The following GPATCH8 variants were observed in gnomAD, a reference collection of about 807,000 sequenced individuals.
GPATCH8 encodes the protein G patch domain-containing protein 8.
A neutral mutation model predicts 118.3 loss-of-function variants in GPATCH8; 18 were observed. That is an observed-to-expected ratio of 0.15 (90% CI 0.11 to 0.23). The LOEUF is 0.23. Among genes scored for constraint, GPATCH8 ranks in the 10% least tolerant of loss-of-function variants. The probability of loss-of-function intolerance (pLI) is 1.00; values close to 1 mark genes in which losing one functional copy is unlikely to be tolerated. For missense variants in GPATCH8, 1,631 were observed against 1,873.8 expected (o/e 0.87, Z 2.39); for synonymous variants, 659 against 684.7 (o/e 0.96, Z 0.59).
At chr17:44,426,340 C>T (rs1390239453) in intron 5 of GPATCH8, among the ~76,000 whole-genome samples, 4 of 152,146 alleles carry the variant, frequency 2.6e-5, no homozygotes, top group Admixed American at 6.5e-5. Flanking sequence ...CGGTGGCTCA[C>T]GCCTGTAATC....
intron 1 of GPATCH8, among the ~76,000 whole-genome samples, chr17:44,484,685 T>C (rs889289073): frequency 8.4e-4 from 128 of 152,194 alleles, no homozygotes; most frequent in African/African-American, 3.0e-3. Flanking sequence ...TTACATTTTG[T>C]TGTCATGTCA....
intron 1 of GPATCH8, among the ~76,000 whole-genome samples, chr17:44,492,620 C>A (rs1405510683): frequency 6.6e-6 from 1 of 151,946 alleles, no homozygotes; most frequent in Non-Finnish European, 1.5e-5. Flanking sequence ...GAGATACCAC[C>A]ACCTAGTTTG....
intron 3 of GPATCH8, among the ~76,000 whole-genome samples, chr17:44,453,984 T>G (rs1400062405): frequency 6.6e-6 from 1 of 152,076 alleles, no homozygotes; most frequent in Non-Finnish European, 1.5e-5. Context: ...TAAAATCCAC[T>G]ACACCATGGA....
intron 6 of GPATCH8, among the ~76,000 whole-genome samples, chr17:44,411,530 T>C (rs943266900): frequency 1.3e-5 from 2 of 152,188 alleles, no homozygotes; most frequent in Non-Finnish European, 2.9e-5. Context: ...AACCCATTTT[T>C]CTCATGTAAA....
intron 1 of GPATCH8, among the ~76,000 whole-genome samples, chr17:44,499,119 T>A (rs1969874549): frequency 6.6e-6 from 1 of 152,224 alleles, no homozygotes; most frequent in African/African-American, 2.4e-5. Flanking sequence ...GTCTTGTTTC[T>A]CTTATCAACT....
rs924053658 is a variant in GPATCH8 at position 44,395,865 on chromosome 17, T to G, written c.*1703A>C. On this transcript the variant is annotated 3_prime_UTR_variant, in exon 8 of 8. Coordinates refer to ENST00000591680, the MANE Select transcript of GPATCH8 (RefSeq NM_001002909.4). Reference sequence around the variant, plus strand: ...TAACCTCATCAAAGGAGATGGGACCTGCAACACAAGCACCTTTGGGTCAGT... The same window carrying G: ...TAACCTCATCAAAGGAGATGGGACCGGCAACACAAGCACCTTTGGGTCAGT... 15 of 454,016 alleles carry G rather than the reference T, an allele frequency of 3.3e-5. No individual in the cohort carries two copies. The highest frequency in any genetic ancestry group is 1.4e-4 in the Admixed American group (6 of 42,542). 28.1% of individuals were successfully genotyped at this position (454,016 alleles called of 1,614,324 possible). A position where few individuals can be genotyped will look rare whatever the true frequency, so the allele number is the denominator to read the frequency against.
In GPATCH8 at chr17:44,400,518, G is replaced by A. The variant is rs2143632767; in HGVS notation, c.1559C>T (p.Thr520Ile). 3 of 1,613,996 alleles carry A rather than the reference G, an allele frequency of 1.9e-6. No individual in the cohort carries two copies. The highest frequency in any genetic ancestry group is 2.2e-5 in the South Asian group (2 of 91,076). The change falls in exon 8 of 8, where the codon ACC becomes ATC. Residue 520 changes from threonine to isoleucine, a missense_variant. By Grantham distance (89) the Thr-to-Ile change is moderately conservative (BLOSUM62 -1). Transcript: ENST00000591680. ...SNSSKETSLA[T>I]PAGKESQEGP... ...TTCTTGGCTTTCTTTCCCTGCTGGG[G>A]TGGCCAGAGAGGTTTCTTTAGAAGA...
At chr17:44,430,584 G>GTTA in intron 5 of GPATCH8, among the ~76,000 whole-genome samples, 1 of 151,876 alleles carries the variant, frequency 6.6e-6, no homozygotes, top group Admixed American at 6.6e-5. Context: ...ACATCATAAT[G>GTTA]GTGAAAGACT....
chr17:44,434,238 T>A (rs1349753362), intron 5 of GPATCH8, among the ~76,000 whole-genome samples: 1 of 151,470 alleles, frequency 6.6e-6, no homozygotes, highest in African/African-American at 2.4e-5. Flanking sequence ...AGTGGTTTGG[T>A]GAAAACTGCT....
intron 3 of GPATCH8, among the ~76,000 whole-genome samples, chr17:44,452,827 CT>C (rs34935678): frequency 6.9e-4 from 101 of 146,094 alleles, no homozygotes; most frequent in Admixed American, 1.2e-3. Context: ...TCTTCAATAT[CT>C]TTTTTTTTTT....
At chr17:44,477,423 A>C (rs1967865969) in intron 1 of GPATCH8, among the ~76,000 whole-genome samples, 1 of 152,088 alleles carries the variant, frequency 6.6e-6, no homozygotes, top group African/African-American at 2.4e-5. Flanking sequence ...TTTTAAGAGA[A>C]GGGGGTCTCA....
intron 1 of GPATCH8, among the ~76,000 whole-genome samples, chr17:44,490,393 C>T (rs1969152557): frequency 6.6e-6 from 1 of 151,880 alleles, no homozygotes; most frequent in South Asian, 2.1e-4. Flanking sequence ...CATGGTTATC[C>T]TAATAAAAAT....
chr17:44,414,906 G>C (rs2049618441), intron 6 of GPATCH8, among the ~76,000 whole-genome samples: 1 of 152,170 alleles, frequency 6.6e-6, no homozygotes, highest in Non-Finnish European at 1.5e-5. Flanking sequence ...GTATATACCA[G>C]TAAGTCCTTC....
intron 3 of GPATCH8, among the ~76,000 whole-genome samples, chr17:44,440,920 G>A (rs936839694): frequency 2.0e-5 from 3 of 151,916 alleles, no homozygotes; most frequent in South Asian, 2.1e-4. Flanking sequence ...ACGCAATCTC[G>A]GCTCACTGCA....
intron 3 of GPATCH8, among the ~76,000 whole-genome samples, chr17:44,455,514 T>A (rs1275124187): frequency 1.3e-5 from 2 of 150,990 alleles, no homozygotes; most frequent in African/African-American, 2.4e-5. Context: ...AAAAAAAAAT[T>A]AAAAAAAATA....
At chr17:44,437,364 T>C (rs2050547654) in intron 3 of GPATCH8, among the ~76,000 whole-genome samples, 1 of 152,068 alleles carries the variant, frequency 6.6e-6, no homozygotes, top group Non-Finnish European at 1.5e-5. Context: ...CAAAGCAAAA[T>C]GGGGCAGACA....
intron 1 of GPATCH8, among the ~76,000 whole-genome samples, chr17:44,493,705 T>C (rs1395563347): frequency 6.6e-6 from 1 of 152,128 alleles, no homozygotes; most frequent in African/African-American, 2.4e-5. Flanking sequence ...CTGGGCAATG[T>C]AACAAAATTC....
intron 1 of GPATCH8, among the ~76,000 whole-genome samples, chr17:44,480,902 C>A (rs1293580561): frequency 1.3e-5 from 2 of 150,296 alleles, no homozygotes; most frequent in Non-Finnish European, 2.9e-5. Context: ...AAAAAAACAA[C>A]CTAATACCAC....
chr17:44,503,150 G>A (rs1230971866), intron 1 of GPATCH8, among the ~76,000 whole-genome samples, 176 bp downstream of exon 1: 4 of 152,202 alleles, frequency 2.6e-5, no homozygotes, highest in East Asian at 1.9e-4. Context: ...CGGGTGCGAG[G>A]AGATGCGGCC....
Sources: allele counts gnomAD v4.1 joint callset (sites outside exome capture counted in the v4.1 genomes callset), GRCh38; gene constraint gnomAD v4.1.1; transcripts MANE v1.5; gene names NCBI Gene and HGNC (gene_info 2026-07-23, HGNC 2026-07-21).